DYM: variants seen among roughly 807,000 people sequenced by gnomAD.
DYM encodes dyggve-Melchior-Clausen syndrome protein.
In DYM, 78 loss-of-function variants were observed where a neutral mutation model predicts 93.1. The ratio of observed to expected loss-of-function variants is 0.84; its 90% CI spans 0.70 to 1.01. The LOEUF (loss-of-function observed/expected upper bound fraction) is 1.01, where lower values mean the gene tolerates loss of function less well. DYM is among the 50% of genes least tolerant of loss of function. The pLI is 0.00. For missense variants in DYM, 789 were observed against 845.0 expected, an observed-to-expected ratio of 0.93 and a Z score of 0.82; for synonymous variants, 321 against 319.7, an observed-to-expected ratio of 1.00 and a Z score of -0.04.
intron 1 of DYM, among the ~76,000 whole-genome samples, chr18:49,459,006 T>G (rs953179711): frequency 1.3e-5 from 2 of 152,232 alleles, no homozygotes; most frequent in Non-Finnish European, 2.9e-5. Context: ...CTGCTGAAGC[T>G]GGGTAATGGG....
chr18:49,084,091 T>A (rs952736702), intron 17 of DYM, among the ~76,000 whole-genome samples: 1 of 152,196 alleles, frequency 6.6e-6, no homozygotes, highest in Admixed American at 6.5e-5. Context: ...TCTGATGTTT[T>A]CTTTTATTCT....
chr18:49,314,780 C>A (rs913669115), intron 8 of DYM, among the ~76,000 whole-genome samples: 1 of 152,210 alleles, frequency 6.6e-6, no homozygotes, highest in Non-Finnish European at 1.5e-5. Flanking sequence ...GGAATTCAGA[C>A]ATTCATATCG....
chr18:49,073,933 G>A (rs2077100666), intron 17 of DYM, among the ~76,000 whole-genome samples: 1 of 152,150 alleles, frequency 6.6e-6, no homozygotes, highest in Non-Finnish European at 1.5e-5. Flanking sequence ...GGGAGGCAGT[G>A]TTACACTCGC....
chr18:49,187,974 A>C (rs1441393850), intron 14 of DYM, among the ~76,000 whole-genome samples: 1 of 152,228 alleles, frequency 6.6e-6, no homozygotes, highest in East Asian at 1.9e-4. Flanking sequence ...CTCTGAAAAA[A>C]ACAACTTATT....
At chr18:49,331,806 G>T in intron 8 of DYM, 58 bp downstream of exon 8, 1 of 1,593,400 alleles carries the variant, frequency 6.3e-7, no homozygotes, top group Non-Finnish European at 8.6e-7. Flanking sequence ...AATTTCTTAT[G>T]CCTAAATAGA....
rs1228835990 is a variant in DYM at position 49,286,461 on chromosome 18, C to T, written c.919G>A (p.Ala307Thr). The T allele has an allele frequency of 1.2e-6, 2 of 1,614,146 alleles. No homozygotes were observed. The highest frequency in any genetic ancestry group is 8.5e-7 in the Non-Finnish European group (1 of 1,180,006). The change falls in exon 9 of 18, where the codon GCC (alanine) becomes ACC (threonine). Residue 307 changes from alanine to threonine, a missense_variant. By Grantham distance (58) the Ala-to-Thr change is moderately conservative. Transcript: ENST00000675505. ...ASDAPNPYRQ[A>T]IMSFKNTQDS... ...TGTGTGTTCTTGAAGGACATAATGG[C>T]TTGTCTGTAGGGGTTTGGCGCATCT...
chr18:49,081,925 A>G (rs1396802740), intron 17 of DYM, among the ~76,000 whole-genome samples: 1 of 152,228 alleles, frequency 6.6e-6, no homozygotes, highest in Non-Finnish European at 1.5e-5. Flanking sequence ...CCATCCTCCA[A>G]GTGAAGAATG....
intron 15 of DYM, among the ~76,000 whole-genome samples, chr18:49,139,878 T>C (rs980459705): frequency 2.0e-5 from 3 of 152,188 alleles, no homozygotes; most frequent in African/African-American, 4.8e-5. Flanking sequence ...TTTTTCCTTT[T>C]CTTATTCTCT....
chr18:49,236,798 AAAC>A (rs1344133324), intron 13 of DYM, among the ~76,000 whole-genome samples: 2 of 152,194 alleles, frequency 1.3e-5, no homozygotes, highest in African/African-American at 4.8e-5. Context: ...TAGAGGATGA[AAAC>A]AACATGCACG....
chr18:49,158,527 G>A (rs2086690965), intron 15 of DYM, among the ~76,000 whole-genome samples: 1 of 152,100 alleles, frequency 6.6e-6, no homozygotes, highest in Non-Finnish European at 1.5e-5. Flanking sequence ...TAAGATAACT[G>A]TTCCCATGTT....
intron 15 of DYM, among the ~76,000 whole-genome samples, chr18:49,149,536 T>C (rs1281845089): frequency 6.6e-6 from 1 of 152,128 alleles, no homozygotes; most frequent in Non-Finnish European, 1.5e-5. Context: ...TTCATTCACC[T>C]ATGTATGAAA....
intron 1 of DYM, among the ~76,000 whole-genome samples, chr18:49,450,359 T>C (rs961810939): frequency 3.3e-5 from 5 of 152,234 alleles, no homozygotes; most frequent in African/African-American, 1.2e-4. Context: ...TTTACAACTT[T>C]AATAAACTAA....
rs547428191 is a variant in DYM at position 49,054,337 on chromosome 18, G to A, written c.2026-10133C>T. On this transcript the variant is annotated intron_variant, in intron 17 of 17. Coordinates refer to ENST00000675505, the MANE Select transcript of DYM (RefSeq NM_001353214.3). ...GCTCACTGCAACCTCTGCCTCCCGGGTTTAAGTGATTCTCCTGCCTCAGCC... is the reference window on the plus strand; with the variant it reads ...GCTCACTGCAACCTCTGCCTCCCGGATTTAAGTGATTCTCCTGCCTCAGCC... 7.2e-4 allele frequency among the ~76,000 whole-genome samples: 110 copies of A among 152,288 alleles called. 2 individuals carry two copies. Among genetic ancestry groups the A allele is most frequent in the African/African-American group, 2.6e-3 (109 of 41,552 alleles).
chr18:49,261,364 T>A (rs1160039718), intron 11 of DYM, among the ~76,000 whole-genome samples: 1 of 152,172 alleles, frequency 6.6e-6, no homozygotes, highest in Non-Finnish European at 1.5e-5. Flanking sequence ...TATTTAGAAT[T>A]GAAAAGTAAA....
chr18:49,390,010 A>G (rs2069044099), intron 3 of DYM, among the ~76,000 whole-genome samples: 1 of 152,250 alleles, frequency 6.6e-6, no homozygotes, highest in African/African-American at 2.4e-5. Context: ...CTGAATTGCG[A>G]CATGGCTTTT....
intron 16 of DYM, among the ~76,000 whole-genome samples, chr18:49,097,781 T>C (rs1237941583): frequency 6.6e-6 from 1 of 152,126 alleles, no homozygotes; most frequent in Non-Finnish European, 1.5e-5. Context: ...TGCCTGACCT[T>C]GCATTTATAT....
chr18:49,300,949 T>C (rs545562915), intron 8 of DYM, among the ~76,000 whole-genome samples: 57 of 152,218 alleles, frequency 3.7e-4, no homozygotes, highest in African/African-American at 1.3e-3. Context: ...TTACTGATAA[T>C]ACCAAGAAGA....
chr18:49,323,755 T>C (rs777766505), intron 8 of DYM, among the ~76,000 whole-genome samples: 2 of 152,222 alleles, frequency 1.3e-5, no homozygotes, highest in African/African-American at 2.4e-5. Context: ...GGTATTTTGT[T>C]ACATTAGCCC....
intron 5 of DYM, chr18:49,375,786 AC>A (rs576427375): frequency 3.1e-4 from 47 of 152,254 alleles, no homozygotes; most frequent in African/African-American, 1.1e-3. Flanking sequence ...AGGCATACCC[AC>A]CCTCAATCTG....
Sources: allele counts gnomAD v4.1 joint callset (sites outside exome capture counted in the v4.1 genomes callset), GRCh38; gene constraint gnomAD v4.1.1; transcripts MANE v1.5; gene names NCBI Gene and HGNC (gene_info 2026-07-23, HGNC 2026-07-21).